The following CSF2RA variants were observed in gnomAD, a reference collection of about 807,000 sequenced individuals.
The protein encoded by CSF2RA is granulocyte-macrophage colony-stimulating factor receptor subunit alpha.
A neutral mutation model predicts 51.6 loss-of-function variants in CSF2RA; 42 were observed. That is an observed-to-expected ratio of 0.81 (90% confidence interval 0.64 to 1.05). The LOEUF (loss-of-function observed/expected upper bound fraction) is 1.05. Ranked by LOEUF, CSF2RA falls within the 50% of genes least tolerant of loss-of-function variation. CSF2RA has a pLI of 0.00. For synonymous variants in CSF2RA, 222 were observed against 193.0 expected (o/e 1.15, Z -1.24); for missense variants, 530 against 501.1 (o/e 1.06, Z -0.55).
At chrX:1,321,269 A>G in the CSF2RA span, among the ~76,000 whole-genome samples, 1 of 151,888 alleles carries the variant, frequency 6.6e-6, no homozygotes, top group Non-Finnish European at 1.5e-5. Context: ...GGAGATCGAG[A>G]CCATCCTGGC....
chrX:1,279,770 C>T (rs1331332876), intron 2 of CSF2RA, among the ~76,000 whole-genome samples: 6 of 95,416 alleles, frequency 6.3e-5, no homozygotes, highest in Non-Finnish European at 9.9e-5. Context: ...GTCTGAGAGA[C>T]ACAACCGTTT....
intron 2 of CSF2RA, among the ~76,000 whole-genome samples, chrX:1,276,797 C>T (rs1386203022): frequency 1.4e-4 from 22 of 152,062 alleles, no homozygotes; most frequent in Non-Finnish European, 2.8e-4. Flanking sequence ...ATCCTGGCCT[C>T]CTAGAAAGCA....
intron 4 of CSF2RA, among the ~76,000 whole-genome samples, chrX:1,286,825 C>T (rs1360518383): frequency 6.6e-6 from 1 of 152,024 alleles, no homozygotes; most frequent in Non-Finnish European, 1.5e-5. Flanking sequence ...GTGGTGGAAG[C>T]AGGACGGAGA....
intron 1 of CSF2RA, among the ~76,000 whole-genome samples, chrX:1,273,147 CCTAT>C (rs1422849591): frequency 6.6e-6 from 1 of 151,824 alleles, no homozygotes; most frequent in African/African-American, 2.4e-5. Context: ...TGCCCAAATT[CCTAT>C]CTAAGAGGTC....
chrX:1,285,410 C>A (rs2090513520), intron 3 of CSF2RA, among the ~76,000 whole-genome samples: 1 of 151,932 alleles, frequency 6.6e-6, no homozygotes, highest in East Asian at 2.0e-4. Context: ...GAAAACAGGG[C>A]CGGCCGGGCA....
intron 10 of CSF2RA, 86 bp downstream of exon 10, chrX:1,300,712 C>A (rs140393281): frequency 7.8e-5 from 122 of 1,568,892 alleles, no homozygotes; most frequent in Non-Finnish European, 5.3e-6. Context: ...CTGTCCTGGG[C>A]GCTGAGATCG....
rs1325137344 is a variant in CSF2RA at position 1,290,337 on chromosome X, GAGA to G, written c.477_479del (p.Arg161del). On this transcript the variant is annotated inframe_deletion and splice_region_variant, in exon 7 of 13. Transcript: ENST00000381529. The stretch of plus-strand genomic sequence containing the variant: ...CTCTGAGCACTTTCTAATCTTTCAG[GAGA>G]AGGAGGGAGATCCGGTGTCCTTATT... 1 of 1,612,708 alleles carries G rather than the reference GAGA, an allele frequency of 6.2e-7. No homozygotes were observed. The highest frequency in any genetic ancestry group is 8.5e-7 in the Non-Finnish European group (1 of 1,178,986).
intron 1 of CSF2RA, among the ~76,000 whole-genome samples, chrX:1,273,499 T>TG (rs1429585419): frequency 1.9e-4 from 27 of 140,660 alleles, no homozygotes; most frequent in African/African-American, 5.8e-4. Flanking sequence ...TTGTTTTTTG[T>TG]TTTTTTTTTA....
rs1397875822 is a variant in CSF2RA at position 1,294,404 on chromosome X, G to C, written c.723G>C (p.Arg241Ser). 2 of 1,613,812 alleles carry C rather than the reference G, an allele frequency of 1.2e-6. No homozygotes were observed. Among genetic ancestry groups the C allele is most frequent in the African/African-American group, 1.3e-5 (1 of 74,916 alleles). ...THCLVRWKQP[R>S]TYQKLSYLDF... ...GCCTCGTACGGTGGAAACAGCCCAG[G>C]ACCTATCAGAAGCTGTCGTACCTGG... The change falls in exon 8 of 13, where the codon AGG becomes AGC. Residue 241 changes from arginine to serine, a missense_variant. Arg to Ser is a moderately radical substitution (Grantham distance 110). Transcript: ENST00000381529.
At chrX:1,301,153 A>AG in intron 10 of CSF2RA, among the ~76,000 whole-genome samples, 2 of 138,940 alleles carry the variant, frequency 1.4e-5, no homozygotes, top group African/African-American at 5.4e-5. Context: ...ACTCCGTCTC[A>AG]AAAAAAAAAA....
chrX:1,305,585 G>A (rs781614472), intron 12 of CSF2RA, 58 bp downstream of exon 12: 4 of 1,613,946 alleles, frequency 2.5e-6, no homozygotes, highest in East Asian at 2.2e-5. Flanking sequence ...TGGGGAGCGT[G>A]GGACACGGCC....
intron 2 of CSF2RA, among the ~76,000 whole-genome samples, chrX:1,279,001 T>C (rs1342420998): frequency 3.7e-4 from 51 of 137,636 alleles, no homozygotes; most frequent in Middle Eastern, 9.7e-3. Context: ...GGCGCCACTG[T>C]ACTCCAGCCT....
In CSF2RA at chrX:1,288,755, C is replaced by T. The variant is rs1331567785; in HGVS notation, c.344-4C>T. 3.7e-6 allele frequency: 6 copies of T among 1,613,764 alleles called. No homozygotes were observed. In the Admixed American group the frequency reaches 6.7e-5, roughly 18 times the overall value. ...AAAATTATTTTGTTTCTACCTCTTC[C>T]CAGGAAGGGAGGGTACCGCTGCTCA... On this transcript the variant is annotated splice_region_variant and splice_polypyrimidine_tract_variant and intron_variant, in intron 5 of 12. Coordinates refer to ENST00000381529, the MANE Select transcript of CSF2RA (RefSeq NM_172245.4).
At chrX:1,295,539 G>T in intron 9 of CSF2RA, 83 bp downstream of exon 9, 1 of 1,139,600 alleles carries the variant, frequency 8.8e-7, no homozygotes, top group Non-Finnish European at 1.3e-6. Flanking sequence ...TAACTCTACA[G>T]TCCCCTACTC....
intron 6 of CSF2RA, 49 bp downstream of exon 6, chrX:1,288,937 G>C (rs1569501965): frequency 1.2e-6 from 2 of 1,607,918 alleles, no homozygotes; most frequent in Middle Eastern, 3.3e-4. Flanking sequence ...AGGGATGGGA[G>C]AAAAAATCAT....
At chrX:1,287,945 C>G (rs1317637358) in intron 4 of CSF2RA, among the ~76,000 whole-genome samples, 32 of 147,770 alleles carry the variant, frequency 2.2e-4, no homozygotes, top group Non-Finnish European at 3.9e-4. Flanking sequence ...CCATGTTGGC[C>G]AGGCTGGTCT....
At chrX:1,292,197 A>G (rs1426066399) in intron 7 of CSF2RA, among the ~76,000 whole-genome samples, 2 of 152,026 alleles carry the variant, frequency 1.3e-5, no homozygotes, top group Non-Finnish European at 2.9e-5. Context: ...ACCTGGACCC[A>G]GTGTAGACAA....
At chrX:1,274,544 C>T (rs1300327878) in intron 1 of CSF2RA, among the ~76,000 whole-genome samples, 43 of 147,232 alleles carry the variant, frequency 2.9e-4, no homozygotes, top group Middle Eastern at 7.6e-3. Flanking sequence ...AGGATGGTCT[C>T]GAACTCCTGG....
the CSF2RA span, among the ~76,000 whole-genome samples, chrX:1,322,761 A>G: frequency 1.3e-5 from 2 of 152,024 alleles, no homozygotes; most frequent in Admixed American, 1.3e-4. Flanking sequence ...GTGACCCTTA[A>G]CATTTATGTC....
Sources: allele counts gnomAD v4.1 joint callset (sites outside exome capture counted in the v4.1 genomes callset), GRCh38; gene constraint gnomAD v4.1.1; transcripts MANE v1.5; gene names NCBI Gene and HGNC (gene_info 2026-07-23, HGNC 2026-07-21).